CAV2: variants seen among roughly 807,000 people sequenced by gnomAD.
CAV2 encodes caveolin 2, also known as caveolin-2.
Under a neutral mutation model 15.5 loss-of-function variants are expected in CAV2, and 7 were observed. The ratio of observed to expected loss-of-function variants is 0.45; its 90% CI spans 0.26 to 0.85. The LOEUF (loss-of-function observed/expected upper bound fraction) is 0.85. Among genes scored for constraint, CAV2 ranks in the 40% least tolerant of loss-of-function variants. CAV2 has a pLI of 0.18. For missense variants in CAV2, 229 were observed against 208.8 expected, an observed-to-expected ratio of 1.10 and a Z score of -0.60; for synonymous variants, 76 against 83.1, an observed-to-expected ratio of 0.91 and a Z score of 0.46.
chr7:116,504,899 G>A (rs1793196538), intron 2 of CAV2, among the ~76,000 whole-genome samples: 1 of 152,070 alleles, frequency 6.6e-6, no homozygotes, highest in Admixed American at 6.5e-5. Context: ...ATACCATACA[G>A]CCCTTTTCAG....
At chr7:116,501,955 A>G (rs1427166776) in intron 2 of CAV2, among the ~76,000 whole-genome samples, 1 of 152,144 alleles carries the variant, frequency 6.6e-6, no homozygotes, top group East Asian at 1.9e-4. Context: ...TTTTTTTAAG[A>G]TCCCTGAGTT....
In CAV2 at chr7:116,506,197, C is replaced by T. The variant is rs551723762; in HGVS notation, c.*76C>T. ...ATTATAACATAAAAGCACCACTGTTCTGTTCATTTCCTAGCTGTTCTAATT... is the reference window on the plus strand; with the variant it reads ...ATTATAACATAAAAGCACCACTGTTTTGTTCATTTCCTAGCTGTTCTAATT... On this transcript the variant is annotated 3_prime_UTR_variant, in exon 3 of 3. Coordinates refer to ENST00000222693, the MANE Select transcript of CAV2 (RefSeq NM_001233.5). 3.4e-5 allele frequency: 48 copies of T among 1,406,778 alleles called. 1 individual carries two copies. The South Asian group carries it at 5.7e-4, about 17-fold the overall frequency. 87.1% of individuals were successfully genotyped at this position (1,406,778 alleles called of 1,614,324 possible). A position where few individuals can be genotyped will look rare whatever the true frequency, so the allele number is the denominator to read the frequency against.
intron 2 of CAV2, among the ~76,000 whole-genome samples, chr7:116,505,161 G>A (rs1793203800): frequency 6.6e-6 from 1 of 152,186 alleles, no homozygotes; most frequent in African/African-American, 2.4e-5. Context: ...ATCCGATCTA[G>A]CCTGGTCCAG....
chr7:116,503,107 CTTA>C (rs1171870526), intron 2 of CAV2, among the ~76,000 whole-genome samples: 1 of 151,080 alleles, frequency 6.6e-6, no homozygotes, highest in Non-Finnish European at 1.5e-5. Flanking sequence ...ATCCTATGGC[CTTA>C]TTATCCAAGG....
rs777056674 is a variant in CAV2 at position 116,500,237 on chromosome 7, G to T, written c.151-23G>T. On this transcript the variant is annotated intron_variant, in intron 1 of 2. Transcript: ENST00000222693. The stretch of plus-strand genomic sequence containing the variant: ...GCGTCAGGTTGGCTGACAGTTCGGG[G>T]TCCCTGCGTCCTGTCTCCTCAGCTG... The T allele has an allele frequency of 9.3e-6, 15 of 1,607,100 alleles. No individual in the cohort carries two copies. The South Asian group carries it at 1.3e-4, about 14-fold the overall frequency.
rs1379368794 is a variant in CAV2, at chr7:116,507,282, C to G, written c.*1161C>G. 6.6e-6 allele frequency: 1 copy of G among 152,186 alleles called. No homozygotes were observed. Among genetic ancestry groups the G allele is most frequent in the South Asian group, 2.1e-4 (1 of 4,828 alleles). 9.4% of individuals were successfully genotyped at this position (152,186 alleles called of 1,614,324 possible). On this transcript the variant is annotated 3_prime_UTR_variant, in exon 3 of 3. Coordinates refer to ENST00000222693, the MANE Select transcript of CAV2 (RefSeq NM_001233.5). ...ACAGCTACAAACTTTTAAGATTTCT[C>G]TAATATTGGTATGTAACACAGGATA...
At chr7:116,500,212 G>A in intron 1 of CAV2, 48 bp from the exon 2 acceptor site, 5 of 1,583,748 alleles carry the variant, frequency 3.2e-6, no homozygotes, top group Middle Eastern at 3.6e-4. Flanking sequence ...GGTTCCCGGG[G>A]CGTCAGGTTG....
At chr7:116,505,918 A>C (rs1440745108) in intron 2 of CAV2, 53 bp from the exon 3 acceptor site, 3 of 1,283,940 alleles carry the variant, frequency 2.3e-6, no homozygotes, top group Non-Finnish European at 3.4e-6. Flanking sequence ...TACAAGACAG[A>C]CCTTATTTGG....
chr7:116,506,269 C>T lies in CAV2; in HGVS notation c.*148C>T, dbSNP rs886294818. On this transcript the variant is annotated 3_prime_UTR_variant, in exon 3 of 3. Coordinates refer to ENST00000222693, the MANE Select transcript of CAV2 (RefSeq NM_001233.5). ...AACCACATTTAGAAATGTTTATTGA[C>T]AGGTCTTTTCAAATAATGCTTTTCT... 1.4e-6 allele frequency: 1 copy of T among 694,114 alleles called. No homozygotes were observed. The highest frequency in any genetic ancestry group is 2.3e-6 in the Non-Finnish European group (1 of 427,532). The allele number at this position is 694,114 out of a possible 1,614,324, so 43.0% of individuals were successfully genotyped here.
chr7:116,508,398 T>A lies in CAV2; in HGVS notation c.*2277T>A, dbSNP rs1451479801. ...ATGAATTTTTATTGAGATTTTCCAT[T>A]AACTATTTTTTTCAAAGACTCAAAT... is the stretch of plus-strand genomic sequence containing the variant. On this transcript the variant is annotated 3_prime_UTR_variant, in exon 3 of 3. Transcript: ENST00000222693. The A allele has an allele frequency of 6.6e-6, 1 of 152,148 alleles. No individual in the cohort carries two copies. The highest frequency in any genetic ancestry group is 1.9e-4 in the East Asian group (1 of 5,192). 9.4% of individuals were successfully genotyped at this position (152,148 alleles called of 1,614,324 possible). A position where few individuals can be genotyped will look rare whatever the true frequency, so the allele number is the denominator to read the frequency against.
Position 116,506,309 on chromosome 7 carries a change from G to T in CAV2, c.*188G>T, listed in dbSNP as rs181637847. 27 of 552,966 alleles carry T rather than the reference G, an allele frequency of 4.9e-5. No individual in the cohort carries two copies. Among genetic ancestry groups the T allele is most frequent in the Non-Finnish European group, 8.1e-5 (26 of 319,284 alleles). 34.3% of individuals were successfully genotyped at this position (552,966 alleles called of 1,614,324 possible). A position where few individuals can be genotyped will look rare whatever the true frequency, so the allele number is the denominator to read the frequency against. On this transcript the variant is annotated 3_prime_UTR_variant, in exon 3 of 3. Transcript: ENST00000222693. ...AATGCTTTTCTAATTAATAGCCAAA[G>T]ATTTCATATCTAACTTTGTAACCAG...
In CAV2 at chr7:116,507,292, T is replaced by C. The variant is rs1348989865; in HGVS notation, c.*1171T>C. 5 of 152,224 alleles carry C rather than the reference T, an allele frequency of 3.3e-5. No individual in the cohort carries two copies. Among genetic ancestry groups the C allele is most frequent in the Non-Finnish European group, 5.9e-5 (4 of 68,040 alleles). The allele number at this position is 152,224 out of a possible 1,614,324, so 9.4% of individuals were successfully genotyped here. A position where few individuals can be genotyped will look rare whatever the true frequency, so the allele number is the denominator to read the frequency against. Reference sequence around the variant, plus strand: ...ACTTTTAAGATTTCTCTAATATTGGTATGTAACACAGGATAAAGTTATTCT... The same window carrying C: ...ACTTTTAAGATTTCTCTAATATTGGCATGTAACACAGGATAAAGTTATTCT... On this transcript the variant is annotated 3_prime_UTR_variant, in exon 3 of 3. Transcript: ENST00000222693.
chr7:116,503,899 G>GAGGGAGGAAGGA (rs1793162664), intron 2 of CAV2, among the ~76,000 whole-genome samples: 1 of 26,618 alleles, frequency 3.8e-5, no homozygotes, highest in Non-Finnish European at 8.6e-5. Context: ...GGGAGGGAGG[G>GAGGGAGGAAGGA]AGGGAGGGAG....
At chr7:116,505,033 TA>T (rs1289714326) in intron 2 of CAV2, among the ~76,000 whole-genome samples, 1 of 152,206 alleles carries the variant, frequency 6.6e-6, no homozygotes, top group Admixed American at 6.5e-5. Flanking sequence ...CCTCACTGTT[TA>T]AAAAAACTTA....
intron 2 of CAV2, among the ~76,000 whole-genome samples, chr7:116,504,240 G>A (rs146699351): frequency 8.1e-4 from 123 of 152,148 alleles, no homozygotes; most frequent in Middle Eastern, 3.4e-3. Context: ...AGGCATTTCA[G>A]GGGTACATAA....
At chr7:116,500,053 G>T (rs1364590178) in intron 1 of CAV2, 122 bp downstream of exon 1, 2 of 1,477,940 alleles carry the variant, frequency 1.4e-6, no homozygotes, top group Non-Finnish European at 1.8e-6. Flanking sequence ...TCTGAGACCC[G>T]CACCCTTCCC....
intron 2 of CAV2, among the ~76,000 whole-genome samples, chr7:116,505,363 A>G (rs1793209434): frequency 1.3e-5 from 2 of 152,238 alleles, no homozygotes; most frequent in Non-Finnish European, 2.9e-5. Context: ...TATTATCTAC[A>G]TGACTATATT....
intron 2 of CAV2, among the ~76,000 whole-genome samples, chr7:116,504,480 G>A (rs1793186078): frequency 6.6e-6 from 1 of 152,274 alleles, no homozygotes; most frequent in African/African-American, 2.4e-5. Context: ...AACACAATTT[G>A]TGGAGACAGT....
At chr7:116,503,308 C>T (rs576818553) in intron 2 of CAV2, among the ~76,000 whole-genome samples, 2 of 152,014 alleles carry the variant, frequency 1.3e-5, no homozygotes, top group Non-Finnish European at 2.9e-5. Flanking sequence ...AGTTTGATGT[C>T]GGAGGATCAT....
Sources: gnomAD v4.1 joint callset for allele counts (sites outside exome capture counted in the v4.1 genomes callset) on GRCh38, gnomAD v4.1.1 for gene constraint, MANE v1.5 for transcripts, NCBI Gene and HGNC (gene_info 2026-07-23, HGNC 2026-07-21) for gene names.